The following GJB7 variants were observed in gnomAD, a reference collection of about 807,000 sequenced individuals.
The protein encoded by GJB7 is gap junction beta-7 protein.
For synonymous variants in GJB7, 87 were observed against 95.2 expected, an observed-to-expected ratio of 0.91 and a Z score of 0.50; for missense variants, 253 against 256.8, an observed-to-expected ratio of 0.99 and a Z score of 0.10.
chr6:87,327,128 TC>T (rs2127917249), intron 1 of GJB7, among the ~76,000 whole-genome samples: 1 of 151,772 alleles, frequency 6.6e-6, no homozygotes, highest in Admixed American at 6.6e-5. Context: ...TGGTAGATGT[TC>T]CTCCATCCTT....
intron 2 of GJB7, among the ~76,000 whole-genome samples, chr6:87,290,754 C>T (rs1253433688): frequency 2.0e-5 from 3 of 152,198 alleles, no homozygotes; most frequent in Admixed American, 6.5e-5. Flanking sequence ...GACTCAGCCA[C>T]GCCTAAATGT....
chr6:87,284,295 A>G lies in GJB7; in HGVS notation c.618T>C (p.Phe206=), dbSNP rs765018061. ...AATATTTTTGGAGACAGCACTTAATAAAGCACTTGAGAACCAAAAAACTCA... is the reference window on the plus strand; with the variant it reads ...AATATTTTTGGAGACAGCACTTAATGAAGCACTTGAGAACCAAAAAACTCA... ...IELSFLVLKC[F]IKCCLQKYLK... is the part of the protein sequence containing the mutation. The change falls in exon 3 of 3, where the codon TTT becomes TTC. Residue 206 remains phenylalanine (F), a synonymous_variant. Transcript: ENST00000525899. The G allele has an allele frequency of 1.9e-6, 3 of 1,614,028 alleles. No individual in the cohort carries two copies. Among genetic ancestry groups the G allele is most frequent in the Non-Finnish European group, 2.5e-6 (3 of 1,179,934 alleles).
intron 2 of GJB7, among the ~76,000 whole-genome samples, chr6:87,289,075 T>C (rs1776117312): frequency 6.6e-6 from 1 of 152,178 alleles, no homozygotes; most frequent in African/African-American, 2.4e-5. Flanking sequence ...TGCCTGCATC[T>C]CCAACCTTGT....
At chr6:87,316,924 C>G (rs1776592207) in intron 2 of GJB7, among the ~76,000 whole-genome samples, 1 of 152,210 alleles carries the variant, frequency 6.6e-6, no homozygotes, top group African/African-American at 2.4e-5. Flanking sequence ...TCCTTTCTAA[C>G]TTCTTTGCCT....
intron 2 of GJB7, among the ~76,000 whole-genome samples, chr6:87,318,664 C>A (rs1175233709): frequency 2.6e-5 from 4 of 152,118 alleles, no homozygotes; most frequent in Non-Finnish European, 5.9e-5. Context: ...GGGTGACCCC[C>A]CAGAGTCAGA....
At chr6:87,292,453 AAATGT>A (rs144914930) in intron 2 of GJB7, among the ~76,000 whole-genome samples, 5,819 of 152,310 alleles carry the variant, frequency 0.038, 163 homozygotes, top group Non-Finnish European at 0.056. Context: ...TATTTTTAAT[AAATGT>A]AATGTATACT....
intron 2 of GJB7, among the ~76,000 whole-genome samples, chr6:87,286,570 A>G (rs1265691030): frequency 6.6e-6 from 1 of 152,158 alleles, no homozygotes; most frequent in African/African-American, 2.4e-5. Context: ...TCTTTTCTCA[A>G]TAAAAGCTAA....
chr6:87,286,505 T>G (rs543778670), intron 2 of GJB7, among the ~76,000 whole-genome samples: 1 of 152,312 alleles, frequency 6.6e-6, no homozygotes, highest in South Asian at 2.1e-4. Flanking sequence ...TTCCCTCCCC[T>G]TCTAGTACAT....
At chr6:87,288,533 G>A (rs1010281227) in intron 2 of GJB7, among the ~76,000 whole-genome samples, 7 of 152,124 alleles carry the variant, frequency 4.6e-5, no homozygotes, top group African/African-American at 1.7e-4. Context: ...ACTTTCAGCT[G>A]CCTTCTTATC....
At chr6:87,294,701 G>A (rs1271906959) in intron 2 of GJB7, among the ~76,000 whole-genome samples, 1 of 152,254 alleles carries the variant, frequency 6.6e-6, no homozygotes, top group Non-Finnish European at 1.5e-5. Flanking sequence ...CTAAAAGACA[G>A]TGACCAGGGT....
chr6:87,321,034 T>C (rs911564901), intron 2 of GJB7, among the ~76,000 whole-genome samples: 3 of 151,928 alleles, frequency 2.0e-5, no homozygotes, highest in Admixed American at 1.3e-4. Context: ...GCCTGACCAA[T>C]ATGGTGAAAC....
chr6:87,319,876 C>T (rs531626091), intron 2 of GJB7, among the ~76,000 whole-genome samples: 8 of 152,132 alleles, frequency 5.3e-5, no homozygotes, highest in East Asian at 3.9e-4. Context: ...TAGATGGAAC[C>T]GGAGGACATT....
chr6:87,322,408 G>GCCCA (rs1562217982), intron 2 of GJB7: 3 of 151,858 alleles, frequency 2.0e-5, no homozygotes, highest in Non-Finnish European at 4.4e-5. Flanking sequence ...AACGTCCCTT[G>GCCCA]CACACTTCAG....
At chr6:87,317,365 A>G (rs1582568489) in intron 2 of GJB7, among the ~76,000 whole-genome samples, 1 of 149,328 alleles carries the variant, frequency 6.7e-6, no homozygotes, top group Middle Eastern at 3.4e-3. Context: ...CCCTGTCTCA[A>G]ACAAACAAAC....
At chr6:87,328,786 C>T (rs576322323) in intron 1 of GJB7, among the ~76,000 whole-genome samples, 1 of 152,188 alleles carries the variant, frequency 6.6e-6, no homozygotes, top group Non-Finnish European at 1.5e-5. Flanking sequence ...CCACCCAGTT[C>T]GAGCTTCCCA....
chr6:87,328,833 G>A (rs942823177), intron 1 of GJB7, among the ~76,000 whole-genome samples: 3 of 152,190 alleles, frequency 2.0e-5, no homozygotes, highest in Admixed American at 1.3e-4. Context: ...GGGCAATGGC[G>A]GGCGCCCCTC....
At position 87,329,147 on chromosome 6, in the gene GJB7, G is replaced by C. The variant is rs1489164268; in HGVS notation, c.-215C>G. Reference sequence around the variant, plus strand: ...GCGCGCACCCACTTACCTGCGCCCAGTGTCTGGCACTCCCTAGTGAGATGA... The same window carrying C: ...GCGCGCACCCACTTACCTGCGCCCACTGTCTGGCACTCCCTAGTGAGATGA... On this transcript the variant is annotated 5_prime_UTR_variant, in exon 1 of 3. Coordinates refer to ENST00000525899, the MANE Select transcript of GJB7 (RefSeq NM_198568.3). 6.4e-6 allele frequency: 1 copy of C among 155,100 alleles called. No individual in the cohort carries two copies. Among genetic ancestry groups the C allele is most frequent in the Non-Finnish European group, 1.4e-5 (1 of 70,504 alleles). The allele number at this position is 155,100 out of a possible 1,614,324, so 9.6% of individuals were successfully genotyped here.
At chr6:87,325,680 G>A (rs1226879853) in intron 1 of GJB7, among the ~76,000 whole-genome samples, 3 of 151,936 alleles carry the variant, frequency 2.0e-5, no homozygotes, top group Non-Finnish European at 1.5e-5. Flanking sequence ...GTATTTTATT[G>A]AGGATTTTTG....
Position 87,284,370 on chromosome 6 carries a change from G to A in GJB7, c.543C>T (p.Leu181=), listed in dbSNP as rs1776020675. 2 of 1,614,048 alleles carry A rather than the reference G, an allele frequency of 1.2e-6. No homozygotes were observed. The highest frequency in any genetic ancestry group is 2.2e-5 in the South Asian group (2 of 91,076). Residue 181 remains leucine, a synonymous_variant, in exon 3 of 3, where the codon CTC becomes CTT. Coordinates refer to ENST00000525899, the MANE Select transcript of GJB7 (RefSeq NM_198568.3). ...SKPTEKTIFI[L]FLVITSCLCI... ...ACAAGCATGAGGTGATGACCAAGAA[G>A]AGGATGAAGATCGTCTTCTCAGTGG...
Sources: allele counts gnomAD v4.1 joint callset (sites outside exome capture counted in the v4.1 genomes callset), GRCh38; gene constraint gnomAD v4.1.1; transcripts MANE v1.5; gene names NCBI Gene and HGNC (gene_info 2026-07-23, HGNC 2026-07-21).